MTCL1: variants seen among roughly 807,000 people sequenced by gnomAD.
MTCL1 encodes microtubule cross-linking factor 1.
MTCL1 carries 79 observed loss-of-function variants against 141.4 expected under a neutral mutation model. The observed-to-expected ratio is 0.56, with a 90% CI of 0.47 to 0.67. The LOEUF (loss-of-function observed/expected upper bound fraction) is 0.67. Ranked by LOEUF, MTCL1 falls within the 30% of genes least tolerant of loss-of-function variation. The pLI is 0.00. For synonymous variants in MTCL1, 914 were observed against 875.8 expected (o/e 1.04, Z -0.77); for missense variants, 2,177 against 2,113.9 (o/e 1.03, Z -0.59).
In MTCL1 at chr18:8,804,294, C is replaced by A. The variant is rs2076221201; in HGVS notation, c.2437-2599C>A. 2.1e-5 allele frequency among the ~76,000 whole-genome samples: 3 copies of A among 141,098 alleles called. No individual in the cohort carries two copies. In the South Asian group the frequency reaches 6.7e-4, roughly 31 times the overall value. 92.6% of individuals were successfully genotyped at this position (141,098 alleles called of 152,430 possible). On this transcript the variant is annotated intron_variant, in intron 10 of 16. Transcript: ENST00000359865. Reference sequence around the variant, plus strand: ...TTTTGGAAACAAGGTCTTGCTCTGTCACCTAGACTGGAGGGCAGTGGTGTG... The same window carrying A: ...TTTTGGAAACAAGGTCTTGCTCTGTAACCTAGACTGGAGGGCAGTGGTGTG...
At chr18:8,783,838 G>A (rs2096540966) in exon 6 of MTCL1, 3 of 1,613,088 alleles carry the variant, frequency 1.9e-6, no homozygotes, top group Non-Finnish European at 1.7e-6. Context: ...TGGAGGACAT[G>A]CGGGGCCAGC....
chr18:8,820,619 A>G (rs1029075122), intron 13 of MTCL1, among the ~76,000 whole-genome samples: 1 of 152,228 alleles, frequency 6.6e-6, no homozygotes, highest in African/African-American at 2.4e-5. Flanking sequence ...ACATTGCCAC[A>G]GTCCCACCCT....
intron 4 of MTCL1, among the ~76,000 whole-genome samples, chr18:8,774,151 T>A (rs1417409198): frequency 6.6e-6 from 1 of 152,198 alleles, no homozygotes; most frequent in Admixed American, 6.5e-5. Context: ...TGGGTTGATT[T>A]GTCCTGAGGG....
intron 4 of MTCL1, among the ~76,000 whole-genome samples, chr18:8,774,921 A>C (rs978708969): frequency 1.3e-5 from 2 of 152,062 alleles, no homozygotes; most frequent in Non-Finnish European, 2.9e-5. Flanking sequence ...GGATGGCAGG[A>C]CTCAGGGCTA....
intron 11 of MTCL1, 100 bp downstream of exon 10, chr18:8,807,160 TTCTTGTCCAGG>T: frequency 7.9e-7 from 1 of 1,263,768 alleles, no homozygotes; most frequent in Non-Finnish European, 1.1e-6. Flanking sequence ...AACCATGGGC[TTCTTGTCCAGG>T]AAAAAAAGAG....
intron 8 of MTCL1, among the ~76,000 whole-genome samples, chr18:8,793,900 C>G (rs1242956053): frequency 6.6e-6 from 1 of 152,222 alleles, no homozygotes; most frequent in Admixed American, 6.5e-5. Flanking sequence ...CTTATTTTGG[C>G]AAGGAATGTG....
intron 16 of MTCL1, chr18:8,829,279 G>A (rs1013535244): frequency 2.0e-6 from 2 of 985,328 alleles, no homozygotes; most frequent in Non-Finnish European, 2.4e-6. Flanking sequence ...GCCAGGAGGG[G>A]ACATCCTAGG....
At chr18:8,728,659 C>T (rs2096231496) in intron 4 of MTCL1, among the ~76,000 whole-genome samples, 1 of 150,298 alleles carries the variant, frequency 6.7e-6, no homozygotes, top group Admixed American at 6.6e-5. Flanking sequence ...TTCCTTTCAT[C>T]ACCTGTATTC....
chr18:8,758,004 A>T (rs911899156), intron 4 of MTCL1, among the ~76,000 whole-genome samples: 2 of 149,314 alleles, frequency 1.3e-5, no homozygotes, highest in Admixed American at 1.3e-4. Context: ...CTCAAAGTTG[A>T]TGAGTAGCAC....
intron 10 of MTCL1, among the ~76,000 whole-genome samples, chr18:8,804,852 A>C (rs986802285): frequency 4.6e-5 from 7 of 152,080 alleles, no homozygotes; most frequent in Non-Finnish European, 8.8e-5. Context: ...TTAGCTGGGC[A>C]TGGCGGCACA....
chr18:8,827,487 A>G (rs1346923403), intron 15 of MTCL1, among the ~76,000 whole-genome samples: 3 of 152,316 alleles, frequency 2.0e-5, no homozygotes, highest in Admixed American at 2.0e-4. Flanking sequence ...ACATGTTCCA[A>G]GATCTGAGTC....
At chr18:8,737,452 G>A (rs1268865103) in intron 4 of MTCL1, among the ~76,000 whole-genome samples, 1 of 152,238 alleles carries the variant, frequency 6.6e-6, no homozygotes, top group African/African-American at 2.4e-5. Flanking sequence ...CAAACCCTGG[G>A]CCAGGCAGTG....
chr18:8,783,794 C>G (rs1314474354), exon 6 of MTCL1: 2 of 1,613,176 alleles, frequency 1.2e-6, no homozygotes. Flanking sequence ...GATCGTGGAG[C>G]TGGAGGTGGA....
At chr18:8,728,685 C>G (rs919498866) in intron 4 of MTCL1, among the ~76,000 whole-genome samples, 20 of 146,044 alleles carry the variant, frequency 1.4e-4, no homozygotes, top group African/African-American at 5.1e-4. Context: ...AAAACTTCTG[C>G]TAGTCCCATG....
intron 4 of MTCL1, among the ~76,000 whole-genome samples, chr18:8,731,269 T>A (rs545973488): frequency 1.2e-4 from 18 of 150,956 alleles, no homozygotes; most frequent in African/African-American, 4.1e-4. Context: ...AAGTAAAAAA[T>A]AATAATAATG....
chr18:8,819,314 T>A (rs2076764872), intron 13 of MTCL1, 55 bp downstream of exon 12: 2 of 1,581,994 alleles, frequency 1.3e-6, no homozygotes, highest in African/African-American at 2.7e-5. Context: ...GGAGCCGTCA[T>A]GAAACCTAAG....
exon 1 of MTCL1, chr18:8,706,403 G>A (rs1366199155): frequency 1.6e-6 from 2 of 1,228,672 alleles, no homozygotes; most frequent in Non-Finnish European, 2.0e-6. Context: ...CCCCCACGAG[G>A]AGCGCCGACG....
chr18:8,829,057 C>T, intron 16 of MTCL1: 1 of 1,602,364 alleles, frequency 6.2e-7, no homozygotes, highest in Non-Finnish European at 8.5e-7. Flanking sequence ...TGAGGGAGTT[C>T]TGCCCGGTGG....
At chr18:8,761,093 A>C (rs982901620) in intron 4 of MTCL1, among the ~76,000 whole-genome samples, 2 of 152,252 alleles carry the variant, frequency 1.3e-5, no homozygotes, top group African/African-American at 4.8e-5. Flanking sequence ...CAAAATTTAT[A>C]AACAGTCTGG....
Sources: allele counts gnomAD v4.1 joint callset (sites outside exome capture counted in the v4.1 genomes callset), GRCh38; gene constraint gnomAD v4.1.1; transcripts MANE v1.5; gene names NCBI Gene and HGNC (gene_info 2026-07-23, HGNC 2026-07-21).